HR: variants seen among roughly 807,000 people sequenced by gnomAD.
HR encodes the protein HR lysine demethylase and nuclear receptor corepressor.
HR carries 83 observed loss-of-function variants against 128.6 expected under a neutral mutation model. That is an observed-to-expected ratio of 0.65 (90% CI 0.54 to 0.77). HR has a LOEUF of 0.77. HR is among the 30% of genes least tolerant of loss of function. The pLI, the probability that HR is intolerant of heterozygous loss-of-function variation, is 0.00. For synonymous variants in HR, 681 were observed against 658.2 expected, an observed-to-expected ratio of 1.03 and a Z score of -0.53; for missense variants, 1,490 against 1,574.6, an observed-to-expected ratio of 0.95 and a Z score of 0.91.
rs201183409 is a variant in HR, at chr8:22,127,636, C to T, written c.806G>A (p.Gly269Glu). 3.7e-6 allele frequency: 6 copies of T among 1,609,866 alleles called. No individual in the cohort carries two copies. The highest frequency in any genetic ancestry group is 3.3e-5 in the South Asian group (3 of 91,056). The change falls in exon 3 of 19, where the codon GGG becomes GAG. Residue 269 changes from glycine (G) to glutamate (E), a missense_variant. Physicochemically the swap from Gly to Glu is moderately conservative, Grantham distance 98. Around this residue, in one of 3 missense-constraint regions of HR, gnomAD observed 1,060 missense variants for 1,060.9 expected, o/e 1.00. Coordinates refer to ENST00000381418, the MANE Select transcript of HR (RefSeq NM_005144.5). ...RQQNPCPLFL[G>E]QPDTVPWTSW... ...GGTCCAGGGCACAGTGTCTGGCTGCCCCAGGAAGAGCGGGCAAGGATTCTG... is the reference window on the plus strand; with the variant it reads ...GGTCCAGGGCACAGTGTCTGGCTGCTCCAGGAAGAGCGGGCAAGGATTCTG...
At chr8:22,121,288 C>G in intron 9 of HR, 60 bp from the exon 10 acceptor site, 1 of 1,581,834 alleles carries the variant, frequency 6.3e-7, no homozygotes, top group Non-Finnish European at 8.6e-7. Flanking sequence ...CCCCTCGAGG[C>G]CCTCTTGCCC....
At chr8:22,131,015 G>A (rs1222536129), upstream of HR, 2 of 152,106 alleles carry the variant, frequency 1.3e-5, no homozygotes, top group African/African-American at 2.4e-5. Flanking sequence ...GCAACTGAGA[G>A]TGGGGAAGCT....
intron 1 of HR, among the ~76,000 whole-genome samples, chr8:22,129,700 G>C (rs1048943171): frequency 3.9e-5 from 6 of 152,214 alleles, no homozygotes; most frequent in Non-Finnish European, 8.8e-5. Flanking sequence ...GGTGCTGCTA[G>C]CCCAACCCTA....
In HR at chr8:22,114,606, T is replaced by A. The variant is rs554730751; in HGVS notation, c.*1094A>T. Reference sequence around the variant, plus strand: ...CGGGGACAAGGAGGGGTCGGCTGTCTGAAGCAGTCAGGCTCAGTCCCAGGG... The same window carrying A: ...CGGGGACAAGGAGGGGTCGGCTGTCAGAAGCAGTCAGGCTCAGTCCCAGGG... On this transcript the variant is annotated 3_prime_UTR_variant, in exon 19 of 19. Coordinates refer to ENST00000381418, the MANE Select transcript of HR (RefSeq NM_005144.5). The A allele has an allele frequency of 2.6e-5, 4 of 153,000 alleles. No homozygotes were observed. In the East Asian group the frequency reaches 7.7e-4, roughly 29 times the overall value. The allele number at this position is 153,000 out of a possible 1,614,324, so 9.5% of individuals were successfully genotyped here.
chr8:22,119,692 G>T, intron 14 of HR, 68 bp downstream of exon 14: 1 of 1,530,704 alleles, frequency 6.5e-7, no homozygotes, highest in South Asian at 1.3e-5. Context: ...ACAGACGCTC[G>T]TGTGCCCCGA....
Position 22,120,800 on chromosome 8 carries a change from T to G in HR, c.2526A>C (p.Pro842=), listed in dbSNP as rs371431900. 1.8e-3 allele frequency: 2,726 copies of G among 1,544,550 alleles called. 30 individuals are homozygous for G. Among genetic ancestry groups the G allele is most frequent in the Middle Eastern group, 0.01 (59 of 5,898 alleles). ...GCTCCTGCAGCCACAGCAAAGCCCC[T>G]GGGGGAGGCAGCCGGGGCCGCACTG... ...LSPVRPRLPP[P]GALLWLQEPQ... Residue 842 remains proline (P), a synonymous_variant, in exon 11 of 19, where the codon CCA becomes CCC. Transcript: ENST00000381418.
chr8:22,122,882 G>A lies in HR; in HGVS notation c.1916-3C>T, dbSNP rs1354051446. On this transcript the variant is annotated splice_polypyrimidine_tract_variant and splice_region_variant and intron_variant, in intron 6 of 18. Coordinates refer to ENST00000381418, the MANE Select transcript of HR (RefSeq NM_005144.5). ...CTCCGCGGACTGCTCCTGAAAGCCT[G>A]TGGGGCAGGAAGGGAAAAGCTGCAG... 1.3e-6 allele frequency: 2 copies of A among 1,551,580 alleles called. No homozygotes were observed. The highest frequency in any genetic ancestry group is 1.2e-5 in the South Asian group (1 of 84,094).
At chr8:22,125,281 C>A (rs1259622732) in intron 5 of HR, 30 bp downstream of exon 5, 2 of 1,549,744 alleles carry the variant, frequency 1.3e-6, no homozygotes, top group Admixed American at 2.0e-5. Context: ...CACACAGAGA[C>A]CCCACGCAGA....
rs531745657 is a variant in HR at position 22,125,560 on chromosome 8, G to T, written c.1556+22C>A. 10 of 1,612,754 alleles carry T rather than the reference G, an allele frequency of 6.2e-6. No homozygotes were observed. In the African/African-American group the frequency reaches 1.3e-4, roughly 21 times the overall value. On this transcript the variant is annotated intron_variant, in intron 4 of 18. Transcript: ENST00000381418. Reference sequence around the variant, plus strand: ...GAGCCCTGGCGAGGGGGCACTGGAGGTGTCCAGGGGCAATGGCTCACCTCC... The same window carrying T: ...GAGCCCTGGCGAGGGGGCACTGGAGTTGTCCAGGGGCAATGGCTCACCTCC...
Position 22,123,805 on chromosome 8 carries a change from G to T in HR, c.1759C>A (p.Pro587Thr). Residue 587 changes from proline (P) to threonine (T), a missense_variant, in exon 6 of 19, where the codon CCA becomes ACA. Around this residue, in one of 3 missense-constraint regions of HR, gnomAD observed 1,060 missense variants for 1,060.9 expected, o/e 1.00. Transcript: ENST00000381418. ...CCTGGGCTGTCCTCTGTCACGGCTGGCCCTTGGCCTGCTGACCACGGAGAG... is the reference window on the plus strand; with the variant it reads ...CCTGGGCTGTCCTCTGTCACGGCTGTCCCTTGGCCTGCTGACCACGGAGAG... ...LAWAQREGQG[P>T]AVTEDSPGIP... 6.2e-7 allele frequency: 1 copy of T among 1,600,124 alleles called. No individual in the cohort carries two copies. Among genetic ancestry groups the T allele is most frequent in the Non-Finnish European group, 8.5e-7 (1 of 1,176,192 alleles).
chr8:22,121,043 C>G, intron 10 of HR, 22 bp downstream of exon 10: 1 of 1,613,338 alleles, frequency 6.2e-7, no homozygotes, highest in East Asian at 2.2e-5. Context: ...GCTCCTAGCC[C>G]TCCCTCCGTG....
Position 22,127,681 on chromosome 8 carries a change from T to C in HR, c.761A>G (p.Glu254Gly). The C allele has an allele frequency of 1.9e-6, 3 of 1,609,350 alleles. No homozygotes were observed. The highest frequency in any genetic ancestry group is 2.5e-6 in the Non-Finnish European group (3 of 1,179,332). The part of the protein sequence containing the change: ...ERPSLHQRDG[E>G]MGAGRQQNPC... Reference sequence around the variant, plus strand: ...ATTCTGCTGCCGGCCAGCTCCCATCTCTCCATCCCTCTGGTGCAGTGAAGG... The same window carrying C: ...ATTCTGCTGCCGGCCAGCTCCCATCCCTCCATCCCTCTGGTGCAGTGAAGG... The change falls in exon 3 of 19, where the codon GAG (glutamate) becomes GGG (glycine). Residue 254 changes from glutamate (E) to glycine (G), a missense_variant. Physicochemically the swap from Glu to Gly is moderately conservative, Grantham distance 98. Coordinates refer to ENST00000381418, the MANE Select transcript of HR (RefSeq NM_005144.5).
At chr8:22,126,679 T>C (rs1826898072) in intron 3 of HR, among the ~76,000 whole-genome samples, 1 of 152,230 alleles carries the variant, frequency 6.6e-6, no homozygotes. Context: ...TTCTTCCCCA[T>C]TTTATAGATG....
intron 1 of HR, 111 bp from the exon 2 acceptor site, chr8:22,129,321 A>G: frequency 2.3e-6 from 2 of 852,912 alleles, no homozygotes; most frequent in South Asian, 4.5e-5. Flanking sequence ...TCAAACCAGT[A>G]AGGCAAGTGC....
In HR at chr8:22,116,213, G is replaced by A; in HGVS notation, c.3507+87C>T. The A allele has an allele frequency of 6.3e-7, 1 of 1,581,528 alleles. No individual in the cohort carries two copies. Among genetic ancestry groups the A allele is most frequent in the Non-Finnish European group, 8.7e-7 (1 of 1,154,152 alleles). ...GTGGCTGCCTGCTTGGCACAGGGTGGGATCTGCTATGTCCACTGCAGCTGT... is the reference window on the plus strand; with the variant it reads ...GTGGCTGCCTGCTTGGCACAGGGTGAGATCTGCTATGTCCACTGCAGCTGT... On this transcript the variant is annotated intron_variant, in intron 18 of 18. Transcript: ENST00000381418. The surrounding 1 kb of genome is among the most constrained non-coding windows in gnomAD (Gnocchi z 4.2).
chr8:22,121,510 A>C (rs1454340287), intron 9 of HR, 103 bp downstream of exon 9: 2 of 1,183,942 alleles, frequency 1.7e-6, no homozygotes, highest in Non-Finnish European at 2.5e-6. Flanking sequence ...GGTGGGGGGG[A>C]GTTGCTAAAG....
chr8:22,122,905 C>A, intron 6 of HR, 26 bp from the exon 7 acceptor site: 4 of 1,547,148 alleles, frequency 2.6e-6, no homozygotes, highest in Non-Finnish European at 3.5e-6. Context: ...GGAAAAGCTG[C>A]AGGTCCAGAA....
chr8:22,123,578 A>C, intron 6 of HR, 71 bp downstream of exon 6: 1 of 1,453,054 alleles, frequency 6.9e-7, no homozygotes, highest in Non-Finnish European at 9.2e-7. Context: ...GCAGCCAACG[A>C]ATGACCACAG....
chr8:22,115,999 G>T (rs781567050), intron 18 of HR, among the ~76,000 whole-genome samples: 7 of 152,140 alleles, frequency 4.6e-5, no homozygotes, highest in Non-Finnish European at 1.0e-4. Flanking sequence ...ACCAGGCATG[G>T]TGGTGGGCGC....
Sources: allele counts gnomAD v4.1 joint callset (sites outside exome capture counted in the v4.1 genomes callset), GRCh38; gene constraint gnomAD v4.1.1; regional missense constraint gnomAD v4.1.1; non-coding constraint Gnocchi (gnomAD v3.1); transcripts MANE v1.5; gene names NCBI Gene and HGNC (gene_info 2026-07-23, HGNC 2026-07-21).